RALGAPA2: variants seen among roughly 807,000 people sequenced by gnomAD.
The protein encoded by RALGAPA2 is Ral GTPase activating protein catalytic subunit alpha 2, also known as ral GTPase-activating protein subunit alpha-2.
In RALGAPA2, 139 loss-of-function variants were observed where a neutral mutation model predicts 230.4. The observed-to-expected ratio is 0.60, with a 90% CI of 0.53 to 0.69. The LOEUF (loss-of-function observed/expected upper bound fraction) is 0.69. Among genes scored for constraint, RALGAPA2 ranks in the 30% least tolerant of loss-of-function variants. The pLI is 0.00. For synonymous variants in RALGAPA2, 847 were observed against 837.8 expected (o/e 1.01, Z -0.19); for missense variants, 2,163 against 2,276.0 (o/e 0.95, Z 1.01).
chr20:20,579,829 C>T (rs1052655598), intron 20 of RALGAPA2, among the ~76,000 whole-genome samples: 4 of 152,068 alleles, frequency 2.6e-5, no homozygotes, highest in Non-Finnish European at 4.4e-5. Context: ...ACATTGTTTC[C>T]TTGTCAGACC....
chr20:20,548,636 T>C (rs1568565882), intron 23 of RALGAPA2, among the ~76,000 whole-genome samples: 1 of 152,226 alleles, frequency 6.6e-6, no homozygotes, highest in Non-Finnish European at 1.5e-5. Flanking sequence ...CGTCCTTTGA[T>C]ACACTTTAAG....
In RALGAPA2 at chr20:20,643,380, TA is replaced by T. The variant is rs2067105907; in HGVS notation, c.372+125del. 1.5e-5 allele frequency: 13 copies of T among 893,074 alleles called. No homozygotes were observed. The South Asian group carries it at 1.9e-4, about 13-fold the overall frequency. The allele number at this position is 893,074 out of a possible 1,614,324, so 55.3% of individuals were successfully genotyped here. On this transcript the variant is annotated intron_variant, in intron 5 of 39. Coordinates refer to ENST00000202677, the MANE Select transcript of RALGAPA2 (RefSeq NM_020343.4). ...AACCCTAACAATATAATTTCTCAAT[TA>T]AAAATTAAAACTAAGTCAAGTGGTT...
intron 15 of RALGAPA2, 55 bp downstream of exon 15, chr20:20,605,120 A>G (rs747582833): frequency 1.7e-5 from 25 of 1,446,684 alleles, no homozygotes; most frequent in Non-Finnish European, 1.8e-5. Flanking sequence ...TCATACAAAT[A>G]CACACTCGTC....
In RALGAPA2 at chr20:20,512,598, G is replaced by A. The variant is rs2062745506; in HGVS notation, c.4771C>T (p.Gln1591Ter). 1 of 1,613,870 alleles carries A rather than the reference G, an allele frequency of 6.2e-7. No homozygotes were observed. Among genetic ancestry groups the A allele is most frequent in the Non-Finnish European group, 8.5e-7 (1 of 1,179,772 alleles). Residue 1591 changes from glutamine to a stop codon, truncating the protein, a stop_gained, in exon 32 of 40, where the codon CAG (glutamine) becomes TAG (stop). Coordinates refer to ENST00000202677, the MANE Select transcript of RALGAPA2 (RefSeq NM_020343.4). LOFTEE classifies it high-confidence loss of function. ...CCTCGGGGCTCCACTGGGGAGGGCTGCCCTTGGCTGGTGACTTTCATTGCA... is the reference window on the plus strand; with the variant it reads ...CCTCGGGGCTCCACTGGGGAGGGCTACCCTTGGCTGGTGACTTTCATTGCA... Reference protein sequence around the residue: ...DSAMKVTSQGQPSPVEPRGPF... With the variant: ...DSAMKVTSQG
intron 3 of RALGAPA2, among the ~76,000 whole-genome samples, chr20:20,667,481 CAGT>C (rs2067993725): frequency 1.3e-5 from 2 of 152,304 alleles, no homozygotes; most frequent in African/African-American, 4.8e-5. Flanking sequence ...GGAAGGGAGT[CAGT>C]ACATATAGGC....
intron 37 of RALGAPA2, among the ~76,000 whole-genome samples, chr20:20,451,048 C>G (rs988785258): frequency 2.0e-5 from 3 of 152,134 alleles, no homozygotes; most frequent in Non-Finnish European, 4.4e-5. Context: ...AACTAGAAAT[C>G]CTCACATATG....
intron 17 of RALGAPA2, among the ~76,000 whole-genome samples, chr20:20,590,084 AATT>A (rs2065243608): frequency 6.6e-6 from 1 of 151,772 alleles, no homozygotes. Flanking sequence ...AAATTAAGCT[AATT>A]AACATGTATC....
At chr20:20,477,604 G>A (rs995731957) in intron 36 of RALGAPA2, among the ~76,000 whole-genome samples, 11 of 151,808 alleles carry the variant, frequency 7.2e-5, no homozygotes, top group African/African-American at 2.4e-4. Context: ...TCTTTTTTTG[G>A]AGACAGAGTC....
chr20:20,427,592 T>G (rs6046854), intron 37 of RALGAPA2, among the ~76,000 whole-genome samples: 92,389 of 151,542 alleles, frequency 0.61, 28,185 homozygotes, highest in African/African-American at 0.65. Flanking sequence ...ACTGGGTGCC[T>G]TGTGTGTCCT....
intron 12 of RALGAPA2, among the ~76,000 whole-genome samples, chr20:20,616,742 C>A (rs1236815021): frequency 6.6e-6 from 1 of 152,066 alleles, no homozygotes; most frequent in Non-Finnish European, 1.5e-5. Context: ...ACAGACGAAG[C>A]CATCGACATC....
chr20:20,444,772 T>TC (rs1203063978), intron 37 of RALGAPA2, among the ~76,000 whole-genome samples: 3 of 152,148 alleles, frequency 2.0e-5, no homozygotes, highest in Non-Finnish European at 4.4e-5. Flanking sequence ...CAGTAGCCAG[T>TC]CCCCCCTTCT....
At chr20:20,673,222 A>G (rs1411988217) in intron 3 of RALGAPA2, among the ~76,000 whole-genome samples, 1 of 150,976 alleles carries the variant, frequency 6.6e-6, no homozygotes, top group Non-Finnish European at 1.5e-5. Context: ...TAAAAATAAA[A>G]TTTAAAAAAA....
At chr20:20,643,430 G>A in intron 5 of RALGAPA2, 76 bp downstream of exon 5, 2 of 1,313,804 alleles carry the variant, frequency 1.5e-6, no homozygotes, top group African/African-American at 1.5e-5. Flanking sequence ...TTTCCAAAAT[G>A]CCCTAACATT....
intron 10 of RALGAPA2, among the ~76,000 whole-genome samples, chr20:20,624,104 A>G (rs1022524623): frequency 1.3e-5 from 2 of 152,208 alleles, no homozygotes; most frequent in Non-Finnish European, 2.9e-5. Context: ...AGGCGGGTGG[A>G]TCACCTGAGG....
intron 1 of RALGAPA2, among the ~76,000 whole-genome samples, chr20:20,699,233 T>C (rs186434724): frequency 2.6e-5 from 4 of 152,366 alleles, no homozygotes; most frequent in African/African-American, 9.6e-5. Flanking sequence ...ATGTGTCTGT[T>C]TCTATATTTA....
At chr20:20,451,490 C>G (rs1346462869) in intron 37 of RALGAPA2, among the ~76,000 whole-genome samples, 4 of 152,146 alleles carry the variant, frequency 2.6e-5, no homozygotes, top group Non-Finnish European at 5.9e-5. Flanking sequence ...GCTCATGTGC[C>G]AGACTGGCTA....
chr20:20,443,737 T>A (rs1473881739), intron 37 of RALGAPA2, among the ~76,000 whole-genome samples: 2 of 152,268 alleles, frequency 1.3e-5, no homozygotes, highest in Admixed American at 1.3e-4. Flanking sequence ...TGTTTCCGCA[T>A]GGCTAAATGA....
At chr20:20,410,778 T>G (rs2038698634) in intron 38 of RALGAPA2, among the ~76,000 whole-genome samples, 1 of 152,172 alleles carries the variant, frequency 6.6e-6, no homozygotes, top group Non-Finnish European at 1.5e-5. Context: ...GTATTCCAGT[T>G]CAACAAAGAT....
At chr20:20,609,652 A>C (rs2065919632) in intron 14 of RALGAPA2, among the ~76,000 whole-genome samples, 1 of 152,242 alleles carries the variant, frequency 6.6e-6, no homozygotes, top group Non-Finnish European at 1.5e-5. Flanking sequence ...GGTGGGAATA[A>C]GGCCCAAGCA....
Sources: allele counts gnomAD v4.1 joint callset (sites outside exome capture counted in the v4.1 genomes callset), GRCh38; gene constraint gnomAD v4.1.1; transcripts MANE v1.5; gene names NCBI Gene and HGNC (gene_info 2026-07-23, HGNC 2026-07-21).